Variants in COBLL1 observed in about 807,000 individuals in gnomAD.
COBLL1 encodes cordon-bleu protein-like 1.
A neutral mutation model predicts 94.8 loss-of-function variants in COBLL1; 50 were observed. The ratio of observed to expected loss-of-function variants is 0.53; its 90% CI spans 0.42 to 0.67. The LOEUF is 0.67. Ranked by LOEUF, COBLL1 falls within the 30% of genes least tolerant of loss-of-function variation. COBLL1 has a pLI of 0.00. For synonymous variants in COBLL1, 448 were observed against 473.8 expected, an observed-to-expected ratio of 0.95 and a Z score of 0.71; for missense variants, 1,362 against 1,348.7, an observed-to-expected ratio of 1.01 and a Z score of -0.15.
In COBLL1 at chr2:164,745,138, G is replaced by A. The variant is rs184098873; in HGVS notation, c.42-1263C>T. 3.7e-3 allele frequency among the ~76,000 whole-genome samples: 568 copies of A among 152,234 alleles called. 7 individuals carry two copies. Among genetic ancestry groups the A allele is most frequent in the African/African-American group, 0.013 (521 of 41,560 alleles). On this transcript the variant is annotated intron_variant, in intron 2 of 13. Coordinates refer to ENST00000652658, the MANE Select transcript of COBLL1 (RefSeq NM_001365672.2). ...ACAGGATCAAAAGGCTTCTTTATAA[G>A]TAAATATATAACATCCACCTATTCG...
At chr2:164,690,654 T>C (rs1193715991) in intron 13 of COBLL1, among the ~76,000 whole-genome samples, 1 of 152,170 alleles carries the variant, frequency 6.6e-6, no homozygotes, top group Non-Finnish European at 1.5e-5. Context: ...CGCAATCAGT[T>C]TCTGTGTAGT....
Position 164,664,238 on chromosome 2 carries a change from G to C in COBLL1, n.181+1609C>G, listed in dbSNP as rs118030485. Among the ~76,000 whole-genome samples, 218 of 152,326 alleles carry C rather than the reference G, an allele frequency of 1.4e-3. 1 individual carries two copies. In the East Asian group the frequency reaches 0.017, roughly 12 times the overall value. ...AGTCACCTATGATGGTTAAAGTATA[G>C]ATAAGCACTAACATGTCATCTATGA... On this transcript the variant is annotated intron_variant and non_coding_transcript_variant, in intron 2 of 2. Coordinates refer to the COBLL1 transcript ENST00000495084.
At chr2:164,735,034 T>C (rs188546781) in intron 3 of COBLL1, among the ~76,000 whole-genome samples, 16 of 152,154 alleles carry the variant, frequency 1.1e-4, no homozygotes, top group Admixed American at 3.9e-4. Flanking sequence ...GGAACAGGGG[T>C]TCAGGCCAGC....
chr2:164,716,685 G>A (rs1214119333), intron 7 of COBLL1, among the ~76,000 whole-genome samples: 3 of 151,908 alleles, frequency 2.0e-5, no homozygotes, highest in Non-Finnish European at 2.9e-5. Flanking sequence ...TTGCTATCTC[G>A]GCTAACTTTG....
chr2:164,784,874 C>G (rs55935196), intron 2 of COBLL1, among the ~76,000 whole-genome samples: 2,338 of 152,096 alleles, frequency 0.015, 27 homozygotes, highest in South Asian at 0.027. Context: ...TATGGTTTGA[C>G]TGTGTCCTCC....
chr2:164,741,528 A>T (rs142391661), intron 3 of COBLL1, among the ~76,000 whole-genome samples: 1 of 132,806 alleles, frequency 7.5e-6, no homozygotes, highest in African/African-American at 3.0e-5. Context: ...GTTCCCAATT[A>T]AAAAAAAAAA....
intron 1 of COBLL1, among the ~76,000 whole-genome samples, chr2:164,668,985 A>G (rs1691207581): frequency 6.6e-6 from 1 of 152,232 alleles, no homozygotes; most frequent in Non-Finnish European, 1.5e-5. Context: ...ACACTTCATA[A>G]GTGTTGCTAA....
At chr2:164,818,057 T>A (rs1329266184) in intron 2 of COBLL1, among the ~76,000 whole-genome samples, 1 of 151,718 alleles carries the variant, frequency 6.6e-6, no homozygotes, top group Non-Finnish European at 1.5e-5. Context: ...CTTATTCCAC[T>A]GGAAAACACA....
intron 2 of COBLL1, chr2:164,771,896 C>G (rs542057549): frequency 1.3e-5 from 2 of 151,270 alleles, no homozygotes; most frequent in East Asian, 3.9e-4. Flanking sequence ...TAATTATACT[C>G]AATATTGAAT....
rs1254998657 is a variant in COBLL1, at chr2:164,700,847, A to G, written c.1226-91T>C. 8 of 762,036 alleles carry G rather than the reference A, an allele frequency of 1.0e-5. No homozygotes were observed. The East Asian group carries it at 1.2e-4, about 12-fold the overall frequency. 47.2% of individuals were successfully genotyped at this position (762,036 alleles called of 1,614,324 possible). A position where few individuals can be genotyped will look rare whatever the true frequency, so the allele number is the denominator to read the frequency against. ...AAGGAAGGAATTTTGAAAAATAATAATTAGCTGGACTCTTTTAAATTCTGC... is the reference window on the plus strand; with the variant it reads ...AAGGAAGGAATTTTGAAAAATAATAGTTAGCTGGACTCTTTTAAATTCTGC... On this transcript the variant is annotated intron_variant, in intron 9 of 13. Transcript: ENST00000652658.
At chr2:164,741,527 T>TA (rs548956601) in intron 3 of COBLL1, among the ~76,000 whole-genome samples, 3,178 of 137,240 alleles carry the variant, frequency 0.023, 79 homozygotes, top group African/African-American at 0.067. Flanking sequence ...AGTTCCCAAT[T>TA]AAAAAAAAAA....
chr2:164,783,029 T>G (rs1329036264), intron 2 of COBLL1, among the ~76,000 whole-genome samples: 1 of 152,282 alleles, frequency 6.6e-6, no homozygotes, highest in African/African-American at 2.4e-5. Flanking sequence ...CAGTATGCAA[T>G]TATCACAACT....
chr2:164,786,215 A>G (rs1456891561), intron 2 of COBLL1, among the ~76,000 whole-genome samples: 1 of 152,190 alleles, frequency 6.6e-6, no homozygotes, highest in Non-Finnish European at 1.5e-5. Flanking sequence ...CTGACTGCTC[A>G]TATTCCACAC....
chr2:164,801,132 T>A (rs1683758626), intron 2 of COBLL1, among the ~76,000 whole-genome samples: 1 of 151,608 alleles, frequency 6.6e-6, no homozygotes, highest in Non-Finnish European at 1.5e-5. Context: ...ATCTCATCAC[T>A]CCAAAAAATT....
At chr2:164,806,088 G>A (rs1684141406) in intron 2 of COBLL1, among the ~76,000 whole-genome samples, 3 of 151,656 alleles carry the variant, frequency 2.0e-5, no homozygotes, top group Admixed American at 2.0e-4. Flanking sequence ...TAAATGAAAG[G>A]TTTCCTTTGA....
At chr2:164,707,527 A>C (rs542563628) in intron 7 of COBLL1, among the ~76,000 whole-genome samples, 1 of 152,122 alleles carries the variant, frequency 6.6e-6, no homozygotes, top group Non-Finnish European at 1.5e-5. Context: ...TGAGCATTTA[A>C]TTGCTCTCTA....
chr2:164,687,149 T>A (rs1369157451), intron 13 of COBLL1: 1 of 352,058 alleles, frequency 2.8e-6, no homozygotes, highest in African/African-American at 2.1e-5. Flanking sequence ...CTGCACTCTC[T>A]TTAGTATGCC....
intron 2 of COBLL1, chr2:164,837,472 A>G (rs889689410): frequency 3.0e-5 from 14 of 466,618 alleles, no homozygotes; most frequent in African/African-American, 2.6e-4. Context: ...TCAATTTTCC[A>G]ACCAGTGTCT....
At chr2:164,720,949 C>A (rs952051544) in intron 7 of COBLL1, among the ~76,000 whole-genome samples, 1 of 152,108 alleles carries the variant, frequency 6.6e-6, no homozygotes, top group African/African-American at 2.4e-5. Context: ...GATTTTATAC[C>A]ACAAATACTA....
Sources: allele counts gnomAD v4.1 joint callset (sites outside exome capture counted in the v4.1 genomes callset), GRCh38; gene constraint gnomAD v4.1.1; transcripts MANE v1.5; gene names NCBI Gene and HGNC (gene_info 2026-07-23, HGNC 2026-07-21).